The following MACF1 variants were observed in gnomAD, a reference collection of about 807,000 sequenced individuals.
MACF1 encodes the protein microtubule-actin cross-linking factor 1.
Under a neutral mutation model 854.8 loss-of-function variants are expected in MACF1, and 193 were observed. The ratio of observed to expected loss-of-function variants is 0.23; its 90% CI spans 0.20 to 0.25. The LOEUF (loss-of-function observed/expected upper bound fraction) is 0.25. Ranked by LOEUF, MACF1 falls within the 10% of genes least tolerant of loss-of-function variation. MACF1 has a pLI of 1.00. For missense variants in MACF1, 7,722 were observed against 8,929.1 expected (o/e 0.86, Z 5.45); for synonymous variants, 3,185 against 3,226.7 (o/e 0.99, Z 0.44).
chr1:39,230,072 A>T (rs1008106787), intron 1 of MACF1, among the ~76,000 whole-genome samples: 1 of 152,178 alleles, frequency 6.6e-6, no homozygotes, highest in African/African-American at 2.4e-5. Flanking sequence ...CTGGCTGTAG[A>T]TGTCCTTAAT....
At position 39,486,698 on chromosome 1, in the gene MACF1, G is replaced by A. The variant is rs1026776456; in HGVS notation, c.*904G>A. 2.6e-5 allele frequency: 4 copies of A among 152,618 alleles called. No individual in the cohort carries two copies. Among genetic ancestry groups the A allele is most frequent in the Admixed American group, 1.3e-4 (2 of 15,274 alleles). The allele number at this position is 152,618 out of a possible 1,614,324, so 9.5% of individuals were successfully genotyped here. A position where few individuals can be genotyped will look rare whatever the true frequency, so the allele number is the denominator to read the frequency against. ...TTCCACGAGCCTGTTCTGAAAATGT[G>A]GACGTAAGACAAACACGTGCTCGTC... On this transcript the variant is annotated 3_prime_UTR_variant, in exon 101 of 101. Transcript: ENST00000564288.
rs374783633 is a variant in MACF1 at position 39,388,693 on chromosome 1, A to G, written c.15816+35A>G. 4 of 1,505,686 alleles carry G rather than the reference A, an allele frequency of 2.7e-6. No homozygotes were observed. In the African/African-American group the frequency reaches 5.6e-5, roughly 21 times the overall value. 93.3% of individuals were successfully genotyped at this position (1,505,686 alleles called of 1,614,324 possible). A position where few individuals can be genotyped will look rare whatever the true frequency, so the allele number is the denominator to read the frequency against. On this transcript the variant is annotated intron_variant, in intron 58 of 100. Transcript: ENST00000564288. ...AACCTTGTTTTTCTTTTTCTTTTAC[A>G]TGTATTTATTTGCTTGTAACTTGGA...
chr1:39,417,713 ATTTTTTTTTTTTTTTTTTTTTT>A (rs56799242), intron 58 of MACF1, among the ~76,000 whole-genome samples: 792 of 55,844 alleles, frequency 0.014, 18 homozygotes, highest in African/African-American at 0.041. Context: ...CACCCAGTTA[ATTTTTTTTTTTTTTTTTTTTTT>A]TTTTTTTTTT....
At position 39,327,285 on chromosome 1, in the gene MACF1, C is replaced by G; in HGVS notation, c.4546C>G (p.Leu1516Val). 1 of 1,608,080 alleles carries G rather than the reference C, an allele frequency of 6.2e-7. No individual in the cohort carries two copies. Among genetic ancestry groups the G allele is most frequent in the Non-Finnish European group, 8.5e-7 (1 of 1,175,122 alleles). Residue 1516 changes from leucine to valine, a missense_variant, in exon 36 of 101, where the codon CTT becomes GTT. Physicochemically the swap from Leu to Val is conservative, Grantham distance 32 (BLOSUM62 1). Around this residue, in one of 15 missense-constraint regions of MACF1, gnomAD observed 1,531 missense variants for 1,601.6 expected, o/e 0.96. Coordinates refer to ENST00000564288, the MANE Select transcript of MACF1 (RefSeq NM_001394062.1). Reference protein sequence around the residue: ...LNALNKAYHDLCDGSANQLQQ... With the variant: ...LNALNKAYHDVCDGSANQLQQ... Reference sequence around the variant, plus strand: ...TGCCCTAAACAAGGCTTACCATGACCTTTGTGATGGTTCTGCAAATCAGCT... The same window carrying G: ...TGCCCTAAACAAGGCTTACCATGACGTTTGTGATGGTTCTGCAAATCAGCT...
At chr1:39,367,788 TTTTTTAATTGGGC>T (rs201209770) in intron 49 of MACF1, among the ~76,000 whole-genome samples, 5,548 of 152,128 alleles carry the variant, frequency 0.036, 128 homozygotes, top group Non-Finnish European at 0.054. Context: ...ATTTATCAGA[TTTTTTAATTGGGC>T]TTTTTAATAC....
chr1:39,453,940 T>G (rs1403413803), intron 88 of MACF1, 90 bp downstream of exon 88: 1 of 1,445,392 alleles, frequency 6.9e-7, no homozygotes, highest in Non-Finnish European at 9.4e-7. Context: ...TAAGGAATCT[T>G]TCACTCACTG....
chr1:39,327,455 A>G, intron 36 of MACF1, 102 bp downstream of exon 36: 1 of 1,239,452 alleles, frequency 8.1e-7, no homozygotes. Context: ...TTCCATGACC[A>G]ATGTGACTTA....
intron 40 of MACF1, among the ~76,000 whole-genome samples, chr1:39,344,721 C>T (rs1261537946): frequency 6.6e-6 from 1 of 152,102 alleles, no homozygotes; most frequent in African/African-American, 2.4e-5. Flanking sequence ...ACCAGTCGAG[C>T]GTTTTTAGAG....
chr1:39,113,823 G>A (rs1183766804), intron 2 of MACF1, among the ~76,000 whole-genome samples: 1 of 152,108 alleles, frequency 6.6e-6, no homozygotes, highest in Admixed American at 6.5e-5. Context: ...ATCACCTGAG[G>A]TCAGAAGTTT....
chr1:39,137,933 G>T (rs901505925), intron 2 of MACF1, among the ~76,000 whole-genome samples: 1 of 151,886 alleles, frequency 6.6e-6, no homozygotes, highest in African/African-American at 2.4e-5. Flanking sequence ...AATTAGCCGG[G>T]CATGGTAGCA....
chr1:39,131,991 C>T lies in MACF1; in HGVS notation c.220+47553C>T, dbSNP rs184803596. On this transcript the variant is annotated intron_variant, in intron 2 of 93. Transcript: ENST00000361689. ...TAACAGTTATTTTGCGGTTCCTTTA[C>T]GTGGAGAACCTTTAGAAGTGTTCCA... Among the ~76,000 whole-genome samples the T allele has an allele frequency of 3.3e-3, 495 of 152,244 alleles. 2 individuals carry two copies. Among genetic ancestry groups the T allele is most frequent in the Admixed American group, 5.1e-3 (78 of 15,284 alleles).
chr1:39,269,381 TGTTTCA>T, intron 6 of MACF1: 1 of 1,289,338 alleles, frequency 7.8e-7, no homozygotes, highest in Non-Finnish European at 1.0e-6. Context: ...GAACCAAGAG[TGTTTCA>T]GGTGCCCCTC....
At chr1:39,352,032 G>A (rs1223689620) in intron 43 of MACF1, among the ~76,000 whole-genome samples, 2 of 152,152 alleles carry the variant, frequency 1.3e-5, no homozygotes, top group Admixed American at 1.3e-4. Context: ...AAACCAAAGA[G>A]AAGCCAAAGT....
intron 2 of MACF1, among the ~76,000 whole-genome samples, chr1:39,147,305 TTCC>T (rs1432524587): frequency 6.6e-6 from 1 of 151,120 alleles, no homozygotes; most frequent in African/African-American, 2.4e-5. Context: ...TTTCCTTTTC[TTCC>T]TCTTTTTTCC....
At position 39,408,577 on chromosome 1, in the gene MACF1, C is replaced by T. The variant is rs373782924; in HGVS notation, c.15817-13797C>T. 5.3e-4 allele frequency among the ~76,000 whole-genome samples: 81 copies of T among 152,052 alleles called. No individual in the cohort carries two copies. In the East Asian group the frequency reaches 8.0e-3, roughly 15 times the overall value. ...AGCCGGCTAGCTGGGGGAGCGCGGG[C>T]GCCCTTTCTGGATTCGTTCGCCTTT... On this transcript the variant is annotated intron_variant, in intron 58 of 100. Transcript: ENST00000564288.
At chr1:39,265,980 G>T (rs926203278) in intron 6 of MACF1, among the ~76,000 whole-genome samples, 2 of 152,108 alleles carry the variant, frequency 1.3e-5, no homozygotes, top group Non-Finnish European at 2.9e-5. Context: ...AACTAGTTAG[G>T]TTACTTAACT....
rs1439282579 is a variant in MACF1 at position 39,331,605 on chromosome 1, G to A, written c.5017G>A (p.Glu1673Lys). Residue 1673 changes from glutamate (E) to lysine (K), a missense_variant, in exon 37 of 101, where the codon GAA becomes AAA. Physicochemically the swap from Glu to Lys is moderately conservative, Grantham distance 56. Around this residue, in one of 15 missense-constraint regions of MACF1, gnomAD observed 1,531 missense variants for 1,601.6 expected, o/e 0.96. Transcript: ENST00000564288. ...CCCTAGTGAGAACTGTATTAACCTG[G>A]AAGAGGCTTTTCATCAAGGCCTCAT... ...LSPSENCINLEEAFHQGLISA... is the reference protein window; with the variant it reads ...LSPSENCINLKEAFHQGLISA... The A allele has an allele frequency of 1.9e-6, 3 of 1,614,048 alleles. No homozygotes were observed. In the African/African-American group the frequency reaches 4.0e-5, roughly 22 times the overall value.
intron 51 of MACF1, 54 bp downstream of exon 51, chr1:39,370,240 G>C (rs1451767013): frequency 3.4e-6 from 5 of 1,450,808 alleles, no homozygotes; most frequent in East Asian, 4.8e-5. Flanking sequence ...TTGAATACTT[G>C]TATTAACTGG....
At chr1:39,451,905 G>A (rs1399475480) in intron 85 of MACF1, among the ~76,000 whole-genome samples, 2 of 151,400 alleles carry the variant, frequency 1.3e-5, no homozygotes, top group Non-Finnish European at 2.9e-5. Context: ...ATTGGGTCTC[G>A]CCATGTTGCC....
Sources: allele counts gnomAD v4.1 joint callset (sites outside exome capture counted in the v4.1 genomes callset), GRCh38; gene constraint gnomAD v4.1.1; regional missense constraint gnomAD v4.1.1; transcripts MANE v1.5; gene names NCBI Gene and HGNC (gene_info 2026-07-23, HGNC 2026-07-21).